LMLN: variants seen among roughly 807,000 people sequenced by gnomAD.
LMLN encodes leishmanolysin-like peptidase.
LMLN carries 70 observed loss-of-function variants against 92.3 expected under a neutral mutation model. That is an observed-to-expected ratio of 0.76 (90% confidence interval 0.63 to 0.92). The LOEUF (loss-of-function observed/expected upper bound fraction) is 0.92. LMLN is among the 40% of genes least tolerant of loss of function. The pLI, the probability that LMLN is intolerant of heterozygous loss-of-function variation, is 0.00. For missense variants in LMLN, 691 were observed against 814.6 expected (o/e 0.85, Z 1.85); for synonymous variants, 308 against 296.2 (o/e 1.04, Z -0.41).
intron 7 of LMLN, 84 bp from the exon 8 acceptor site, chr3:197,985,712 A>T: frequency 1.2e-6 from 1 of 825,468 alleles, no homozygotes; most frequent in Non-Finnish European, 2.0e-6. Flanking sequence ...CGTTCCCGTT[A>T]GTATCAGTGC....
At chr3:197,979,982 C>T (rs946008833) in intron 5 of LMLN, among the ~76,000 whole-genome samples, 1 of 151,986 alleles carries the variant, frequency 6.6e-6, no homozygotes, top group African/African-American at 2.4e-5. Flanking sequence ...GAAAAAAAAG[C>T]TACTTTTAGG....
intron 5 of LMLN, among the ~76,000 whole-genome samples, chr3:197,978,203 G>A (rs377035801): frequency 2.8e-4 from 42 of 152,334 alleles, no homozygotes; most frequent in Non-Finnish European, 5.3e-4. Flanking sequence ...GTATACACAC[G>A]TTAATTCTGG....
intron 13 of LMLN, among the ~76,000 whole-genome samples, chr3:198,022,725 G>A (rs1266312351): frequency 6.6e-6 from 1 of 152,176 alleles, no homozygotes; most frequent in Non-Finnish European, 1.5e-5. Flanking sequence ...GTGTGATGGT[G>A]CACACCTGTG....
At chr3:197,998,639 C>A (rs1213639125) in intron 10 of LMLN, among the ~76,000 whole-genome samples, 1 of 152,100 alleles carries the variant, frequency 6.6e-6, no homozygotes, top group African/African-American at 2.4e-5. Context: ...ATTTAAAGAA[C>A]ACTCAGAACT....
chr3:197,974,538 C>G, intron 2 of LMLN, 64 bp downstream of exon 2: 1 of 868,008 alleles, frequency 1.2e-6, no homozygotes, highest in Non-Finnish European at 1.7e-6. Flanking sequence ...ATATTTTTGT[C>G]TGTTACCTGA....
intron 11 of LMLN, among the ~76,000 whole-genome samples, chr3:198,016,551 A>T (rs1043382957): frequency 2.0e-5 from 3 of 152,208 alleles, no homozygotes. Context: ...TTCCCAAGTG[A>T]TTTTATGTGT....
chr3:197,967,777 A>G (rs914168778), intron 1 of LMLN, among the ~76,000 whole-genome samples: 3 of 152,174 alleles, frequency 2.0e-5, no homozygotes, highest in Admixed American at 6.5e-5. Flanking sequence ...TCTCAACCAC[A>G]TAAGACAGAC....
chr3:197,963,935 G>A (rs1720977484), intron 1 of LMLN, among the ~76,000 whole-genome samples: 1 of 152,180 alleles, frequency 6.6e-6, no homozygotes, highest in African/African-American at 2.4e-5. Flanking sequence ...ATCAGATTGA[G>A]AAAGCTCCCT....
chr3:197,961,628 A>G (rs191630636), intron 1 of LMLN, among the ~76,000 whole-genome samples: 8 of 152,314 alleles, frequency 5.3e-5, no homozygotes, highest in African/African-American at 1.7e-4. Flanking sequence ...CTCATAGAGT[A>G]TATAAATACC....
intron 8 of LMLN, among the ~76,000 whole-genome samples, chr3:197,986,352 T>C (rs1237265254): frequency 6.6e-6 from 1 of 152,120 alleles, no homozygotes; most frequent in Non-Finnish European, 1.5e-5. Context: ...TCCCAGCTAC[T>C]TGGGGTGCTG....
At chr3:198,020,276 G>A (rs895105137) in intron 12 of LMLN, among the ~76,000 whole-genome samples, 1 of 152,198 alleles carries the variant, frequency 6.6e-6, no homozygotes, top group African/African-American at 2.4e-5. Context: ...GATTACAGGC[G>A]TGAGCCACCA....
chr3:197,984,478 G>GGGCTGC (rs1560139266), intron 7 of LMLN, among the ~76,000 whole-genome samples: 1 of 149,286 alleles, frequency 6.7e-6, no homozygotes, highest in African/African-American at 2.5e-5. Flanking sequence ...GCAGAGCCCT[G>GGGCTGC]GGCTGCTGCT....
At chr3:197,996,038 T>G in intron 9 of LMLN, 137 bp from the exon 10 acceptor site, 2 of 442,148 alleles carry the variant, frequency 4.5e-6, no homozygotes, top group South Asian at 5.9e-5. Flanking sequence ...AAAAACCATA[T>G]TTTAAAAAGA....
At chr3:198,028,979 G>C (rs939746302) in intron 14 of LMLN, among the ~76,000 whole-genome samples, 1 of 152,160 alleles carries the variant, frequency 6.6e-6, no homozygotes, top group Non-Finnish European at 1.5e-5. Flanking sequence ...GGCTGTGGAC[G>C]TCTCAAGTAC....
rs866963162 is a variant in LMLN, at chr3:197,971,985, C to G, written c.220-2392C>G. ...TTTTTTTTTAGTCTTTTTCATTTCT[C>G]TTCTTCGGATTGGATAATGTCTAGA... On this transcript the variant is annotated intron_variant, in intron 1 of 15. Transcript: ENST00000330198. Among the ~76,000 whole-genome samples, 4 of 84,592 alleles carry G rather than the reference C, an allele frequency of 4.7e-5. No homozygotes were observed. In the Middle Eastern group the frequency reaches 0.033, roughly 690 times the overall value. The allele number at this position is 84,592 out of a possible 152,430, so 55.5% of individuals were successfully genotyped here.
intron 9 of LMLN, among the ~76,000 whole-genome samples, chr3:197,992,797 A>G (rs1294809843): frequency 6.6e-6 from 1 of 152,158 alleles, no homozygotes; most frequent in Non-Finnish European, 1.5e-5. Flanking sequence ...CAGGGCAGCA[A>G]TACTCTAATA....
In LMLN at chr3:198,031,862, G is replaced by A. The variant is rs1723086542; in HGVS notation, c.1657-3971G>A. ...CACACCTGTAATCACAGCACTTTGG[G>A]AGCCCGAGACAGGCGGATCACTTGA... On this transcript the variant is annotated intron_variant, in intron 14 of 15. Coordinates refer to ENST00000330198, the Ensembl canonical transcript of LMLN. This position sits in a 1 kb window ranked among gnomAD's most constrained non-coding sequence, Gnocchi z 4.8. Among the ~76,000 whole-genome samples the A allele has an allele frequency of 2.0e-5, 3 of 152,070 alleles. No homozygotes were observed. Among genetic ancestry groups the A allele is most frequent in the Admixed American group, 6.6e-5 (1 of 15,266 alleles).
Position 198,019,336 on chromosome 3 carries a change from C to T in LMLN, c.1316C>T (p.Ala439Val), listed in dbSNP as rs1443532332. The change falls in exon 12 of 16, where the codon GCC becomes GTC. Residue 439 changes from alanine to valine, a missense_variant. Transcript: ENST00000330198. This position sits in a 1 kb window ranked among gnomAD's most constrained non-coding sequence, Gnocchi z 5.5. Reference sequence around the variant, plus strand: ...TGCAGACAGGACCAGAGAGCAGTTGCCGTGTGTAATTTGCAGAAGTTCCCT... The same window carrying T: ...TGCAGACAGGACCAGAGAGCAGTTGTCGTGTGTAATTTGCAGAAGTTCCCT... The T allele has an allele frequency of 6.2e-7, 1 of 1,614,118 alleles. No individual in the cohort carries two copies. Among genetic ancestry groups the T allele is most frequent in the East Asian group, 2.2e-5 (1 of 44,884 alleles).
chr3:198,003,229 G>A, intron 11 of LMLN, 104 bp downstream of exon 12: 2 of 634,932 alleles, frequency 3.1e-6, no homozygotes, highest in South Asian at 2.4e-5. Context: ...AGTCTGAGCA[G>A]TTCAATTTTA....
Sources: gnomAD v4.1 joint callset for allele counts (sites outside exome capture counted in the v4.1 genomes callset) on GRCh38, gnomAD v4.1.1 for gene constraint, Gnocchi (gnomAD v3.1) non-coding constraint, MANE v1.5 for transcripts, NCBI Gene and HGNC (gene_info 2026-07-23, HGNC 2026-07-21) for gene names.